The following LHCGR variants were observed in gnomAD, a reference collection of about 807,000 sequenced individuals.
The protein encoded by LHCGR is luteinizing hormone/choriogonadotropin receptor.
A neutral mutation model predicts 60.7 loss-of-function variants in LHCGR; 55 were observed. That is an observed-to-expected ratio of 0.91 (90% CI 0.73 to 1.13). LHCGR has a LOEUF of 1.13. LHCGR is among the 50% of genes most tolerant of loss of function. The pLI is 0.00. For missense variants in LHCGR, 862 were observed against 836.0 expected (o/e 1.03, Z -0.38); for synonymous variants, 337 against 316.5 (o/e 1.06, Z -0.69).
intron 1 of LHCGR, among the ~76,000 whole-genome samples, chr2:48,732,614 A>G (rs1024471550): frequency 2.0e-5 from 3 of 152,144 alleles, no homozygotes; most frequent in Admixed American, 6.5e-5. Context: ...GACTCCAGAC[A>G]TCCTTTCCCT....
intron 7 of LHCGR, among the ~76,000 whole-genome samples, chr2:48,713,428 A>C (rs1167047825): frequency 1.3e-5 from 2 of 152,182 alleles, no homozygotes; most frequent in Non-Finnish European, 2.9e-5. Context: ...GGTTGAGAAC[A>C]GTGAGGGAAA....
At chr2:48,722,747 C>G (rs916440243) in intron 6 of LHCGR, among the ~76,000 whole-genome samples, 23 of 152,126 alleles carry the variant, frequency 1.5e-4, no homozygotes, top group Admixed American at 3.3e-4. Context: ...CAATTAAAAC[C>G]TCTTTTCTTT....
chr2:48,745,172 C>G (rs1027428819), intron 1 of LHCGR, among the ~76,000 whole-genome samples: 4 of 152,088 alleles, frequency 2.6e-5, no homozygotes, highest in African/African-American at 9.7e-5. Context: ...GTTAGAATGG[C>G]GATCATTAAA....
chr2:48,705,492 T>A (rs544096625), intron 8 of LHCGR, among the ~76,000 whole-genome samples: 19 of 152,328 alleles, frequency 1.2e-4, no homozygotes, highest in African/African-American at 4.6e-4. Context: ...CAGTTGGATG[T>A]TAAAGTCTCC....
At chr2:48,707,923 C>T (rs1196710551) in intron 8 of LHCGR, among the ~76,000 whole-genome samples, 3 of 152,154 alleles carry the variant, frequency 2.0e-5, no homozygotes, top group African/African-American at 7.2e-5. Flanking sequence ...CCTCCAGGTA[C>T]AGTCTCTCAC....
Position 48,687,627 on chromosome 2 carries a change from A to G in LHCGR, c.*70T>C. ...CCTAAATCCAACCCTTTATGTTAAA[A>G]TTACTGGTACAGGTAATTTTTTTTT... is the stretch of plus-strand genomic sequence containing the variant. On this transcript the variant is annotated 3_prime_UTR_variant, in exon 11 of 11. Coordinates refer to ENST00000294954, the MANE Select transcript of LHCGR (RefSeq NM_000233.4). 7.7e-7 allele frequency: 1 copy of G among 1,304,626 alleles called. No homozygotes were observed. Among genetic ancestry groups the G allele is most frequent in the South Asian group, 1.2e-5 (1 of 83,532 alleles). 80.8% of individuals were successfully genotyped at this position (1,304,626 alleles called of 1,614,324 possible). A position where few individuals can be genotyped will look rare whatever the true frequency, so the allele number is the denominator to read the frequency against.
intron 8 of LHCGR, among the ~76,000 whole-genome samples, chr2:48,702,724 C>G: frequency 6.6e-6 from 1 of 152,252 alleles, no homozygotes; most frequent in South Asian, 2.1e-4. Flanking sequence ...AATAAACATA[C>G]GTGTGCATGT....
chr2:48,717,037 C>G (rs777752856), intron 6 of LHCGR, among the ~76,000 whole-genome samples: 3 of 152,140 alleles, frequency 2.0e-5, no homozygotes, highest in Non-Finnish European at 4.4e-5. Flanking sequence ...TGATACTGTT[C>G]TCATCATTCC....
rs987285564 is a variant in LHCGR, at chr2:48,718,564, G to A, written c.537-4510C>T. Reference sequence around the variant, plus strand: ...CCATTGCTAAAAGGCAAAGCATACCGTTTTAGAAGATATCTTTTAGAAAAT... The same window carrying A: ...CCATTGCTAAAAGGCAAAGCATACCATTTTAGAAGATATCTTTTAGAAAAT... On this transcript the variant is annotated intron_variant, in intron 6 of 10. Transcript: ENST00000294954. 5.3e-5 allele frequency among the ~76,000 whole-genome samples: 8 copies of A among 152,172 alleles called. No individual in the cohort carries two copies. The South Asian group carries it at 6.2e-4, about 12-fold the overall frequency.
chr2:48,715,033 G>A (rs1320144211), intron 6 of LHCGR, among the ~76,000 whole-genome samples: 2 of 151,914 alleles, frequency 1.3e-5, no homozygotes, highest in East Asian at 3.9e-4. Context: ...ATCCTCATGG[G>A]CTACCCATCC....
chr2:48,712,603 A>G (rs7557060), intron 7 of LHCGR, among the ~76,000 whole-genome samples: 26,382 of 152,020 alleles, frequency 0.17, 2,404 homozygotes, highest in South Asian at 0.26. Flanking sequence ...AAATTCTACA[A>G]TTTCTTGAAC....
chr2:48,741,305 G>C (rs577658903), intron 1 of LHCGR, among the ~76,000 whole-genome samples: 130 of 152,312 alleles, frequency 8.5e-4, no homozygotes, highest in African/African-American at 3.0e-3. Flanking sequence ...AGTCGAGCAA[G>C]GCAGGCCAAC....
intron 1 of LHCGR, among the ~76,000 whole-genome samples, chr2:48,748,704 C>T (rs1186919394): frequency 6.6e-6 from 1 of 152,140 alleles, no homozygotes; most frequent in Non-Finnish European, 1.5e-5. Context: ...ACAATAATAC[C>T]TTGTAGCTAT....
chr2:48,714,908 G>T (rs181801068), intron 6 of LHCGR, among the ~76,000 whole-genome samples: 2 of 152,306 alleles, frequency 1.3e-5, no homozygotes, highest in East Asian at 3.9e-4. Context: ...CTCAGTGAGG[G>T]AAAGTGACTT....
At chr2:48,703,295 A>G (rs1572834160) in intron 8 of LHCGR, among the ~76,000 whole-genome samples, 1 of 152,100 alleles carries the variant, frequency 6.6e-6, no homozygotes, top group Non-Finnish European at 1.5e-5. Flanking sequence ...TCATTTGTCA[A>G]TTTTGGCTTT....
chr2:48,747,174 C>T (rs1369606219), intron 1 of LHCGR, among the ~76,000 whole-genome samples: 2 of 152,032 alleles, frequency 1.3e-5, no homozygotes, highest in African/African-American at 4.8e-5. Context: ...ACTGCAACCT[C>T]TGTCTCCTGG....
chr2:48,706,879 A>C (rs1667710078), intron 8 of LHCGR, among the ~76,000 whole-genome samples: 1 of 152,082 alleles, frequency 6.6e-6, no homozygotes, highest in African/African-American at 2.4e-5. Flanking sequence ...CCACCTTCTG[A>C]AGCCTACTTC....
chr2:48,722,547 G>C (rs1458586334), intron 6 of LHCGR, among the ~76,000 whole-genome samples: 3 of 152,138 alleles, frequency 2.0e-5, no homozygotes, highest in Non-Finnish European at 2.9e-5. Context: ...TTGTGATAGA[G>C]TTCTCATGAG....
Position 48,709,083 on chromosome 2 carries a change from C to G in LHCGR, c.606-61G>C, listed in dbSNP as rs112514514. ...ACCTCATGTGTAAGCATTCGTAGCT[C>G]CATATACACATGTTTAGACCAAGCT... is the stretch of plus-strand genomic sequence containing the variant. On this transcript the variant is annotated intron_variant, in intron 7 of 10. Transcript: ENST00000294954. 48 of 1,309,908 alleles carry G rather than the reference C, an allele frequency of 3.7e-5. No individual in the cohort carries two copies. The African/African-American group carries it at 3.8e-4, about 10-fold the overall frequency. 81.1% of individuals were successfully genotyped at this position (1,309,908 alleles called of 1,614,324 possible). A position where few individuals can be genotyped will look rare whatever the true frequency, so the allele number is the denominator to read the frequency against.
Sources: gnomAD v4.1 joint callset for allele counts (sites outside exome capture counted in the v4.1 genomes callset) on GRCh38, gnomAD v4.1.1 for gene constraint, MANE v1.5 for transcripts, NCBI Gene and HGNC (gene_info 2026-07-23, HGNC 2026-07-21) for gene names.